Variants in SRD5A2 observed in about 807,000 individuals in gnomAD.
SRD5A2 encodes the protein steroid 5 alpha-reductase 2.
In SRD5A2, 30 loss-of-function variants were observed where a neutral mutation model predicts 27.4. That is an observed-to-expected ratio of 1.10 (90% CI 0.82 to 1.49). The LOEUF is 1.49. SRD5A2 is among the 40% of genes most tolerant of loss of function. The pLI is 0.00. For synonymous variants in SRD5A2, 141 were observed against 133.6 expected, an observed-to-expected ratio of 1.06 and a Z score of -0.38; for missense variants, 348 against 323.4, an observed-to-expected ratio of 1.08 and a Z score of -0.58.
At chr2:31,646,848 C>CA in the SRD5A2 span, among the ~76,000 whole-genome samples, 5 of 152,076 alleles carry the variant, frequency 3.3e-5, no homozygotes, top group Admixed American at 2.6e-4. Flanking sequence ...CAAAGCAAAA[C>CA]AAAAAAACCA....
chr2:31,622,119 C>G, the SRD5A2 span, among the ~76,000 whole-genome samples: 1 of 152,096 alleles, frequency 6.6e-6, no homozygotes, highest in Non-Finnish European at 1.5e-5. Flanking sequence ...CTCTCCTTCC[C>G]TCCACTCCAA....
At chr2:31,584,615 G>A (rs910128310), upstream of SRD5A2, among the ~76,000 whole-genome samples, 2 of 152,134 alleles carry the variant, frequency 1.3e-5, no homozygotes, top group Admixed American at 6.6e-5. Flanking sequence ...CTTCAAGCTT[G>A]ATAATTCACT....
chr2:31,632,677 C>T, the SRD5A2 span, among the ~76,000 whole-genome samples: 1 of 152,120 alleles, frequency 6.6e-6, no homozygotes, highest in African/African-American at 2.4e-5. Context: ...TCTGAGGGGT[C>T]CTAGGACACG....
chr2:31,557,151 A>AT (rs1356784309), intron 1 of SRD5A2, among the ~76,000 whole-genome samples: 1 of 152,218 alleles, frequency 6.6e-6, no homozygotes, highest in Non-Finnish European at 1.5e-5. Flanking sequence ...ACATGTCCAC[A>AT]TCAGAGGATT....
At chr2:31,545,063 TCA>T (rs1177577766) in intron 1 of SRD5A2, among the ~76,000 whole-genome samples, 12 of 147,764 alleles carry the variant, frequency 8.1e-5, no homozygotes, top group African/African-American at 3.1e-4. Flanking sequence ...TAATCAAAAA[TCA>T]AAATCTCATA....
the SRD5A2 span, among the ~76,000 whole-genome samples, chr2:31,633,627 C>A: frequency 6.6e-6 from 1 of 152,184 alleles, no homozygotes; most frequent in Non-Finnish European, 1.5e-5. Context: ...GAAGGCACCC[C>A]TCCCGAGGAA....
chr2:31,561,938 A>G (rs2300701), intron 1 of SRD5A2, among the ~76,000 whole-genome samples: 92,737 of 152,040 alleles, frequency 0.61, 28,767 homozygotes, highest in African/African-American at 0.71. Flanking sequence ...TTTTGGCATC[A>G]TGAAACAACA....
the SRD5A2 span, among the ~76,000 whole-genome samples, chr2:31,616,789 G>A: frequency 1.3e-5 from 2 of 152,282 alleles, no homozygotes; most frequent in Non-Finnish European, 2.9e-5. Context: ...GGGGCTGTTG[G>A]GAAGGCATGA....
the SRD5A2 span, among the ~76,000 whole-genome samples, chr2:31,627,667 C>G: frequency 6.6e-6 from 1 of 151,958 alleles, no homozygotes; most frequent in African/African-American, 2.4e-5. Context: ...GTATGTTTAT[C>G]CTTTTTCTCT....
chr2:31,584,009 C>G (rs1055594746), upstream of SRD5A2, among the ~76,000 whole-genome samples: 1 of 152,126 alleles, frequency 6.6e-6, no homozygotes, highest in Non-Finnish European at 1.5e-5. Context: ...ATACTTTTAG[C>G]AGGCTCTGGG....
the SRD5A2 span, among the ~76,000 whole-genome samples, chr2:31,596,050 T>C: frequency 1.3e-5 from 2 of 152,134 alleles, no homozygotes; most frequent in Non-Finnish European, 2.9e-5. Context: ...AGAAGAGAGA[T>C]ACCTTAAGGT....
the SRD5A2 span, among the ~76,000 whole-genome samples, chr2:31,592,469 C>T: frequency 6.6e-6 from 1 of 152,216 alleles, no homozygotes; most frequent in African/African-American, 2.4e-5. Flanking sequence ...GACACCTCCA[C>T]CAGAGCAGAC....
At chr2:31,646,138 C>T in the SRD5A2 span, among the ~76,000 whole-genome samples, 1 of 151,950 alleles carries the variant, frequency 6.6e-6, no homozygotes, top group South Asian at 2.1e-4. Context: ...TATGATGCTC[C>T]AAACACAAAC....
At chr2:31,632,534 G>A in the SRD5A2 span, among the ~76,000 whole-genome samples, 1 of 152,194 alleles carries the variant, frequency 6.6e-6, no homozygotes, top group Admixed American at 6.5e-5. Flanking sequence ...GCCAGCCCAT[G>A]CCATCACCCT....
the SRD5A2 span, among the ~76,000 whole-genome samples, chr2:31,612,286 TAA>T: frequency 2.3e-5 from 3 of 128,114 alleles, no homozygotes; most frequent in Admixed American, 1.6e-4. Flanking sequence ...GTCTCAAAAT[TAA>T]AAAAAAAAAA....
the SRD5A2 span, among the ~76,000 whole-genome samples, chr2:31,615,081 T>G: frequency 3.3e-5 from 5 of 152,208 alleles, no homozygotes; most frequent in African/African-American, 1.2e-4. Flanking sequence ...CACGTGGAAC[T>G]GTGAGTCTAT....
At chr2:31,561,702 A>C (rs1489913428) in intron 1 of SRD5A2, among the ~76,000 whole-genome samples, 2 of 152,140 alleles carry the variant, frequency 1.3e-5, no homozygotes, top group African/African-American at 2.4e-5. Flanking sequence ...CCAAGGTTTT[A>C]AAAAACTTTG....
chr2:31,610,690 T>C, the SRD5A2 span, among the ~76,000 whole-genome samples: 6 of 152,034 alleles, frequency 3.9e-5, no homozygotes, highest in South Asian at 1.2e-3. Context: ...AAAGAAAAAG[T>C]AAAATTATCT....
the SRD5A2 span, among the ~76,000 whole-genome samples, chr2:31,603,591 T>C: frequency 6.6e-6 from 1 of 151,802 alleles, no homozygotes; most frequent in East Asian, 1.9e-4. Flanking sequence ...GATACAAGCA[T>C]GTGTATGTAC....
Sources: allele counts gnomAD v4.1 joint callset (sites outside exome capture counted in the v4.1 genomes callset), GRCh38; gene constraint gnomAD v4.1.1; transcripts MANE v1.5; gene names NCBI Gene and HGNC (gene_info 2026-07-23, HGNC 2026-07-21).